The following STIM2 variants were observed in gnomAD, a reference collection of about 807,000 sequenced individuals.
STIM2 encodes the protein stromal interaction molecule 2.
A neutral mutation model predicts 85.8 loss-of-function variants in STIM2; 31 were observed. That is an observed-to-expected ratio of 0.36 (90% CI 0.27 to 0.49). The LOEUF is 0.49. Ranked by LOEUF, STIM2 falls within the 20% of genes least tolerant of loss-of-function variation. STIM2 has a pLI of 0.98. For missense variants in STIM2, 841 were observed against 927.6 expected (o/e 0.91, Z 1.21); for synonymous variants, 356 against 331.1 (o/e 1.08, Z -0.82).
At chr4:27,004,683 AC>A (rs1728274309) in intron 7 of STIM2, among the ~76,000 whole-genome samples, 2 of 152,164 alleles carry the variant, frequency 1.3e-5, no homozygotes, top group Non-Finnish European at 2.9e-5. Context: ...GACCATGCAC[AC>A]CTCAGTAGAC....
chr4:26,993,144 T>A (rs915734444), intron 3 of STIM2, among the ~76,000 whole-genome samples: 3 of 151,790 alleles, frequency 2.0e-5, no homozygotes, highest in Non-Finnish European at 4.4e-5. Context: ...GCACCATGAG[T>A]TTTTTGGCAG....
intron 2 of STIM2, among the ~76,000 whole-genome samples, chr4:26,933,922 A>G (rs568429216): frequency 2.0e-5 from 3 of 152,164 alleles, no homozygotes; most frequent in African/African-American, 4.8e-5. Flanking sequence ...GGCTGGGTGC[A>G]TTGGCTCACG....
chr4:26,961,250 C>T (rs1271931058), intron 3 of STIM2, among the ~76,000 whole-genome samples: 1 of 152,000 alleles, frequency 6.6e-6, no homozygotes, highest in Non-Finnish European at 1.5e-5. Context: ...CCAAATTGAG[C>T]AAAGATAAAG....
intron 3 of STIM2, among the ~76,000 whole-genome samples, chr4:26,976,185 C>T (rs1051241367): frequency 3.9e-5 from 6 of 152,006 alleles, no homozygotes; most frequent in African/African-American, 7.2e-5. Flanking sequence ...GGGAAATCCC[C>T]CGACCCCTTG....
At chr4:26,877,717 G>T (rs1342794028) in intron 1 of STIM2, among the ~76,000 whole-genome samples, 1 of 152,110 alleles carries the variant, frequency 6.6e-6, no homozygotes, top group African/African-American at 2.4e-5. Flanking sequence ...CTGGCGGCAA[G>T]TTGCTGTTAT....
At chr4:26,915,260 A>G (rs143697064) in intron 1 of STIM2, among the ~76,000 whole-genome samples, 1,935 of 152,166 alleles carry the variant, frequency 0.013, 35 homozygotes, top group African/African-American at 0.044. Flanking sequence ...TTTGAGACAG[A>G]GTCTCACTCT....
intron 3 of STIM2, among the ~76,000 whole-genome samples, chr4:26,971,721 A>G (rs7679544): frequency 0.042 from 6,358 of 152,278 alleles, 154 homozygotes; most frequent in South Asian, 0.077. Flanking sequence ...TGTCTTGGCA[A>G]TGTGGGCTCT....
At position 27,006,249 on chromosome 4, in the gene STIM2, A is replaced by G. The variant is rs533956533; in HGVS notation, c.982-1284A>G. Among the ~76,000 whole-genome samples, 15 of 152,322 alleles carry G rather than the reference A, an allele frequency of 9.8e-5. No individual in the cohort carries two copies. The East Asian group carries it at 1.7e-3, about 18-fold the overall frequency. ...TTGTTTTTAATTTTGGAATCTTAAA[A>G]TATATTTTTCTACGTAATTCTTTGT... On this transcript the variant is annotated intron_variant, in intron 7 of 11. Transcript: ENST00000467087.
At chr4:26,862,861 GATAA>G (rs1437028981) in intron 1 of STIM2, among the ~76,000 whole-genome samples, 1 of 152,296 alleles carries the variant, frequency 6.6e-6, no homozygotes, top group East Asian at 1.9e-4. Context: ...TAGGAAAGTT[GATAA>G]ATAAGACTAT....
intron 2 of STIM2, among the ~76,000 whole-genome samples, chr4:26,942,429 G>A (rs1490321855): frequency 2.6e-5 from 4 of 152,014 alleles, no homozygotes; most frequent in East Asian, 1.9e-4. Flanking sequence ...TTCTCCCTTT[G>A]GTTATTGCCT....
intron 1 of STIM2, among the ~76,000 whole-genome samples, chr4:26,894,185 C>T (rs1723609547): frequency 6.6e-6 from 1 of 152,142 alleles, no homozygotes; most frequent in South Asian, 2.1e-4. Context: ...CTGCACCTGG[C>T]CTAATTCTTT....
intron 7 of STIM2, among the ~76,000 whole-genome samples, chr4:27,004,025 G>C (rs1374416233): frequency 1.3e-5 from 2 of 152,186 alleles, no homozygotes; most frequent in African/African-American, 4.8e-5. Context: ...TAAAGCAGGG[G>C]CAAGAACTTA....
At position 26,883,092 on chromosome 4, in the gene STIM2, G is replaced by T. The variant is rs190387897; in HGVS notation, c.151+21723G>T. On this transcript the variant is annotated intron_variant, in intron 1 of 11. Transcript: ENST00000467087. ...TCGAACTCCTGACCTCCGGTGATCC[G>T]CCCACCTTGGCCTCCCAAAGTGCTG... Among the ~76,000 whole-genome samples, 4 of 149,578 alleles carry T rather than the reference G, an allele frequency of 2.7e-5. No individual in the cohort carries two copies. The East Asian group carries it at 8.1e-4, about 30-fold the overall frequency.
intron 1 of STIM2, chr4:26,881,649 A>C (rs760269160): frequency 6.6e-6 from 1 of 152,208 alleles, no homozygotes. Flanking sequence ...ATTACCCAGT[A>C]TAAAGTATTT....
intron 3 of STIM2, among the ~76,000 whole-genome samples, chr4:26,966,742 G>C (rs1202246687): frequency 6.6e-6 from 1 of 151,914 alleles, no homozygotes; most frequent in African/African-American, 2.4e-5. Flanking sequence ...TAAATGTATA[G>C]CTCAGAGGAA....
Position 27,002,271 on chromosome 4 carries a change from G to C in STIM2, c.680G>C (p.Gly227Ala). 6.2e-7 allele frequency: 1 copy of C among 1,613,466 alleles called. No individual in the cohort carries two copies. Among genetic ancestry groups the C allele is most frequent in the Non-Finnish European group, 8.5e-7 (1 of 1,179,834 alleles). ...ATCCTCACAGTTTCTATAGTAATTGGTGTTGGAGGCTGCTGGTTTGCTTAT... is the reference window on the plus strand; with the variant it reads ...ATCCTCACAGTTTCTATAGTAATTGCTGTTGGAGGCTGCTGGTTTGCTTAT... The change falls in exon 6 of 12, where the codon GGT becomes GCT. Residue 227 changes from glycine to alanine, a missense_variant. By Grantham distance (60) the Gly-to-Ala change is moderately conservative. Coordinates refer to ENST00000467087, the MANE Select transcript of STIM2 (RefSeq NM_020860.4).
intron 10 of STIM2, 104 bp downstream of exon 10, chr4:27,009,106 G>A (rs1225825311): frequency 2.1e-6 from 2 of 936,084 alleles, no homozygotes; most frequent in South Asian, 1.9e-5. Context: ...GAAAAAATTG[G>A]GTTTATCCTT....
At chr4:27,004,926 A>G (rs1039368762) in intron 7 of STIM2, among the ~76,000 whole-genome samples, 3 of 152,214 alleles carry the variant, frequency 2.0e-5, no homozygotes, top group African/African-American at 7.2e-5. Flanking sequence ...CTCACAACAC[A>G]TAGGTATTAT....
chr4:26,934,322 C>T (rs1725319052), intron 2 of STIM2, among the ~76,000 whole-genome samples: 1 of 152,096 alleles, frequency 6.6e-6, no homozygotes, highest in South Asian at 2.1e-4. Context: ...TGGGTGTCGG[C>T]AACCCAAATT....
Sources: gnomAD v4.1 joint callset for allele counts (sites outside exome capture counted in the v4.1 genomes callset) on GRCh38, gnomAD v4.1.1 for gene constraint, MANE v1.5 for transcripts, NCBI Gene and HGNC (gene_info 2026-07-23, HGNC 2026-07-21) for gene names.